Variants in KIT observed in about 807,000 individuals in gnomAD.
KIT encodes the protein mast/stem cell growth factor receptor Kit.
KIT carries 16 observed loss-of-function variants against 105.7 expected under a neutral mutation model. That is an observed-to-expected ratio of 0.15 (90% confidence interval 0.10 to 0.23). The LOEUF (loss-of-function observed/expected upper bound fraction) is 0.23. Ranked by LOEUF, KIT falls within the 10% of genes least tolerant of loss-of-function variation. KIT has a pLI of 1.00. For missense variants in KIT, 858 were observed against 1,213.8 expected, an observed-to-expected ratio of 0.71 and a Z score of 4.36; for synonymous variants, 438 against 441.1, an observed-to-expected ratio of 0.99 and a Z score of 0.09.
At position 54,664,825 on chromosome 4, in the gene KIT, C is replaced by T. The variant is rs550396847; in HGVS notation, c.67+6744C>T. Among the ~76,000 whole-genome samples, 6 of 149,476 alleles carry T rather than the reference C, an allele frequency of 4.0e-5. No homozygotes were observed. The East Asian group carries it at 7.8e-4, about 19-fold the overall frequency. On this transcript the variant is annotated intron_variant, in intron 1 of 20. Coordinates refer to ENST00000288135, the MANE Select transcript of KIT (RefSeq NM_000222.3). The stretch of plus-strand genomic sequence containing the variant: ...ATAGTCTCGAACTTATGAGCTCAAG[C>T]GATCCCCCAGCCTCAGCCTCCCAAA...
intron 1 of KIT, among the ~76,000 whole-genome samples, chr4:54,687,555 C>A (rs1719405025): frequency 6.6e-6 from 1 of 152,150 alleles, no homozygotes; most frequent in African/African-American, 2.4e-5. Flanking sequence ...CCCTTTGCAT[C>A]TTCTGTACTG....
chr4:54,717,125 A>G (rs940904977), intron 7 of KIT, among the ~76,000 whole-genome samples: 4 of 152,182 alleles, frequency 2.6e-5, no homozygotes, highest in Non-Finnish European at 5.9e-5. Flanking sequence ...ACACTCTAAT[A>G]TCTCTTTCTC....
Position 54,733,203 on chromosome 4 carries a change from A to C in KIT, c.2484+11A>C, listed in dbSNP as rs2109802187. 6.2e-7 allele frequency: 1 copy of C among 1,611,642 alleles called. No homozygotes were observed. Among genetic ancestry groups the C allele is most frequent in the Non-Finnish European group, 8.5e-7 (1 of 1,178,438 alleles). On this transcript the variant is annotated intron_variant, in intron 17 of 20. Transcript: ENST00000288135. ...GTGGTTAAAGGAAACGTGAGTACCCATTCTCTGCTTGACAGTCCTGCAAAG... is the reference window on the plus strand; with the variant it reads ...GTGGTTAAAGGAAACGTGAGTACCCCTTCTCTGCTTGACAGTCCTGCAAAG...
chr4:54,693,318 C>T (rs1719839365), intron 1 of KIT, among the ~76,000 whole-genome samples: 1 of 152,210 alleles, frequency 6.6e-6, no homozygotes, highest in Admixed American at 6.5e-5. Context: ...ACTGCATTGC[C>T]TTCTTTGCCA....
intron 17 of KIT, among the ~76,000 whole-genome samples, chr4:54,734,619 C>G (rs1354450929): frequency 6.6e-6 from 1 of 152,088 alleles, no homozygotes; most frequent in African/African-American, 2.4e-5. Context: ...TCGCTTTCAC[C>G]AGGCTAGTGG....
At chr4:54,697,178 T>C (rs1720129432) in intron 2 of KIT, among the ~76,000 whole-genome samples, 1 of 152,208 alleles carries the variant, frequency 6.6e-6, no homozygotes, top group Non-Finnish European at 1.5e-5. Context: ...TAACTAGCTA[T>C]GGCCTGGGAC....
At chr4:54,701,280 G>A (rs547899674) in intron 4 of KIT, among the ~76,000 whole-genome samples, 13 of 152,316 alleles carry the variant, frequency 8.5e-5, no homozygotes, top group African/African-American at 3.1e-4. Flanking sequence ...TGTGTGACTT[G>A]CAGATGGGGC....
At position 54,681,009 on chromosome 4, in the gene KIT, G is replaced by A. The variant is rs77235141; in HGVS notation, c.68-14503G>A. Among the ~76,000 whole-genome samples the A allele has an allele frequency of 1.9e-4, 29 of 152,132 alleles. No individual in the cohort carries two copies. In the East Asian group the frequency reaches 4.6e-3, roughly 24 times the overall value. On this transcript the variant is annotated intron_variant, in intron 1 of 20. Transcript: ENST00000288135. The stretch of plus-strand genomic sequence containing the variant: ...TTTTGTATGTCCTAGGTCTTGGGGG[G>A]GTGAAGTCTTTGACTAGTGTGGCTG...
chr4:54,686,484 A>G (rs1719319474), intron 1 of KIT, among the ~76,000 whole-genome samples: 1 of 152,214 alleles, frequency 6.6e-6, no homozygotes, highest in Non-Finnish European at 1.5e-5. Flanking sequence ...TTACAATGAA[A>G]GGTAAGGAGG....
intron 5 of KIT, among the ~76,000 whole-genome samples, chr4:54,706,504 T>G (rs1308111825): frequency 6.6e-6 from 1 of 152,108 alleles, no homozygotes; most frequent in Admixed American, 6.5e-5. Flanking sequence ...TTCTATGATG[T>G]TTTTCTTCTG....
Position 54,664,575 on chromosome 4 carries a change from T to C in KIT, c.67+6494T>C, listed in dbSNP as rs1717541674. Among the ~76,000 whole-genome samples, 3 of 145,814 alleles carry C rather than the reference T, an allele frequency of 2.1e-5. No homozygotes were observed. In the South Asian group the frequency reaches 6.7e-4, roughly 32 times the overall value. ...GGGCAACCAAGACTAAGGGAGAGTC[T>C]GTTTTTATTATTTATTTATTTATTT... On this transcript the variant is annotated intron_variant, in intron 1 of 20. Transcript: ENST00000288135.
chr4:54,728,222 A>AT (rs930074281), intron 13 of KIT, 101 bp downstream of exon 13: 27 of 835,648 alleles, frequency 3.2e-5, no homozygotes, highest in East Asian at 1.1e-4. Flanking sequence ...TGCTTGGAAG[A>AT]TTTTTTTACC....
chr4:54,681,414 T>A (rs549588042), intron 1 of KIT, among the ~76,000 whole-genome samples: 1 of 152,192 alleles, frequency 6.6e-6, no homozygotes, highest in Non-Finnish European at 1.5e-5. Context: ...CTTATCCAAC[T>A]CCCCAAAGAC....
chr4:54,727,142 A>T, intron 9 of KIT, 76 bp from the exon 10 acceptor site: 1 of 1,217,230 alleles, frequency 8.2e-7, no homozygotes, highest in South Asian at 1.2e-5. Context: ...AGGTGGGGTC[A>T]GTTTGGGACT....
chr4:54,715,336 C>T (rs1346344235), intron 7 of KIT, among the ~76,000 whole-genome samples: 3 of 148,516 alleles, frequency 2.0e-5, no homozygotes, highest in Non-Finnish European at 4.4e-5. Context: ...GAAATGATCC[C>T]AGGTAGACTA....
chr4:54,708,824 G>A (rs1038325105), intron 6 of KIT, among the ~76,000 whole-genome samples: 4 of 152,254 alleles, frequency 2.6e-5, no homozygotes, highest in Non-Finnish European at 2.9e-5. Context: ...CAGTAACCCC[G>A]ACAGGGTTGT....
At chr4:54,730,211 C>T (rs1415696484) in intron 14 of KIT, among the ~76,000 whole-genome samples, 3 of 152,070 alleles carry the variant, frequency 2.0e-5, no homozygotes, top group Non-Finnish European at 2.9e-5. Context: ...AGAAGACTTC[C>T]TAGATGTACC....
At chr4:54,720,920 C>T (rs1721829392) in intron 7 of KIT, among the ~76,000 whole-genome samples, 1 of 152,162 alleles carries the variant, frequency 6.6e-6, no homozygotes, top group Non-Finnish European at 1.5e-5. Flanking sequence ...CATGGCCCTC[C>T]ATTGCAAAAA....
chr4:54,715,371 A>AC (rs1721418518), intron 7 of KIT, among the ~76,000 whole-genome samples: 1 of 128,420 alleles, frequency 7.8e-6, no homozygotes, highest in Non-Finnish European at 1.5e-5. Flanking sequence ...TTGCTGTTAA[A>AC]AAAAAAAAAA....
Sources: gnomAD v4.1 joint callset for allele counts (sites outside exome capture counted in the v4.1 genomes callset) on GRCh38, gnomAD v4.1.1 for gene constraint, MANE v1.5 for transcripts, NCBI Gene and HGNC (gene_info 2026-07-23, HGNC 2026-07-21) for gene names.